AOPEP: variants seen among roughly 807,000 people sequenced by gnomAD.
AOPEP encodes aminopeptidase O.
Under a neutral mutation model 98.1 loss-of-function variants are expected in AOPEP, and 77 were observed. The observed-to-expected ratio is 0.78, with a 90% confidence interval of 0.65 to 0.95. AOPEP has a LOEUF of 0.95. Among genes scored for constraint, AOPEP ranks in the 40% least tolerant of loss-of-function variants. The pLI, the probability that AOPEP is intolerant of heterozygous loss-of-function variation, is 0.00. For missense variants in AOPEP, 1,024 were observed against 1,024.7 expected (o/e 1.00, Z 0.01); for synonymous variants, 346 against 365.3 (o/e 0.95, Z 0.60).
intron 14 of AOPEP, among the ~76,000 whole-genome samples, chr9:95,067,737 A>G (rs1187104165): frequency 6.6e-6 from 1 of 152,156 alleles, no homozygotes; most frequent in Admixed American, 6.5e-5. Flanking sequence ...AAAGTATACA[A>G]TTCAGTAGTT....
chr9:94,950,268 G>A (rs2058008524), intron 7 of AOPEP, among the ~76,000 whole-genome samples: 1 of 152,140 alleles, frequency 6.6e-6, no homozygotes, highest in Non-Finnish European at 1.5e-5. Flanking sequence ...GAACATAGTC[G>A]GAACACAGAA....
intron 5 of AOPEP, among the ~76,000 whole-genome samples, chr9:94,853,967 G>A (rs751527816): frequency 1.3e-5 from 2 of 152,142 alleles, no homozygotes; most frequent in African/African-American, 2.4e-5. Flanking sequence ...TAGCACATGC[G>A]CAGCACTTAT....
chr9:94,800,942 CG>C lies in AOPEP; in HGVS notation c.1305del (p.Phe436SerfsTer31). The C allele has an allele frequency of 6.2e-7, 1 of 1,614,182 alleles. No homozygotes were observed. Among genetic ancestry groups the C allele is most frequent in the Non-Finnish European group, 8.5e-7 (1 of 1,180,022 alleles). On this transcript the variant is annotated frameshift_variant, in exon 5 of 17. Coordinates refer to ENST00000375315, the MANE Select transcript of AOPEP (RefSeq NM_001193329.3). LOFTEE classifies it high-confidence loss of function. ...GCACATTCTGTTCTGGGAGCACACCCGTTCTCTCGGCTGGATGTTCTCATCG... is the reference window on the plus strand; with the variant it reads ...GCACATTCTGTTCTGGGAGCACACCCTTCTCTCGGCTGGATGTTCTCATCG... ...SAAHSVLGAH[P>X]FSRLDVLIVP...
At chr9:94,788,305 T>C (rs1472209026) in intron 3 of AOPEP, among the ~76,000 whole-genome samples, 4 of 152,098 alleles carry the variant, frequency 2.6e-5, no homozygotes, top group Non-Finnish European at 2.9e-5. Flanking sequence ...TCTTGAACTA[T>C]TGGTCTCATG....
At chr9:94,788,731 T>G (rs1844995885) in intron 3 of AOPEP, among the ~76,000 whole-genome samples, 1 of 152,244 alleles carries the variant, frequency 6.6e-6, no homozygotes, top group Admixed American at 6.5e-5. Flanking sequence ...CTGTCAGCCT[T>G]CTGGAACCAA....
chr9:95,066,132 AT>A (rs2067859737), intron 14 of AOPEP, among the ~76,000 whole-genome samples: 1 of 151,964 alleles, frequency 6.6e-6, no homozygotes, highest in Non-Finnish European at 1.5e-5. Context: ...TTATTTGTGC[AT>A]TTTTTCTTTG....
At chr9:95,064,396 G>T (rs1035677325) in intron 14 of AOPEP, among the ~76,000 whole-genome samples, 1 of 152,198 alleles carries the variant, frequency 6.6e-6, no homozygotes, top group Non-Finnish European at 1.5e-5. Context: ...CCAGGTTCAA[G>T]CAGTTCTGCC....
rs146045298 is a variant in AOPEP at position 95,064,439 on chromosome 9, C to T, written c.2232+3629C>T. ...CCCGAGTAGCTGGATTACAGGTGCC[C>T]ACCACCACGCCCAGCCAATTTTTTG... On this transcript the variant is annotated intron_variant, in intron 14 of 16. Coordinates refer to ENST00000375315, the MANE Select transcript of AOPEP (RefSeq NM_001193329.3). Among the ~76,000 whole-genome samples the T allele has an allele frequency of 5.4e-3, 826 of 152,272 alleles. 9 individuals are homozygous for T. The highest frequency in any genetic ancestry group is 0.019 in the African/African-American group (800 of 41,560).
intron 13 of AOPEP, among the ~76,000 whole-genome samples, chr9:95,026,909 G>A (rs369296599): frequency 6.6e-6 from 1 of 152,310 alleles, no homozygotes; most frequent in South Asian, 2.1e-4. Flanking sequence ...AGGTACAGAA[G>A]AAAGCTAGGA....
Position 94,979,396 on chromosome 9 carries a change from A to T in AOPEP, c.1946A>T (p.Gln649Leu). Residue 649 changes from glutamine to leucine, a missense_variant, in exon 11 of 17, where the codon CAA (glutamine) becomes CTA (leucine). Physicochemically the swap from Gln to Leu is moderately radical, Grantham distance 113 (BLOSUM62 -2). Coordinates refer to ENST00000375315, the MANE Select transcript of AOPEP (RefSeq NM_001193329.3). ...RLELSVENIY[Q>L]DWLESSGIPK... The stretch of plus-strand genomic sequence containing the variant: ...GAGCTGTCTGTTGAAAACATCTACC[A>T]AGACTGGCTTGAGAGTTCCGGAATA... 6.2e-7 allele frequency: 1 copy of T among 1,603,426 alleles called. No individual in the cohort carries two copies. The highest frequency in any genetic ancestry group is 8.5e-7 in the Non-Finnish European group (1 of 1,172,944).
intron 13 of AOPEP, among the ~76,000 whole-genome samples, chr9:95,051,676 A>G (rs2066377625): frequency 6.6e-6 from 1 of 152,090 alleles, no homozygotes; most frequent in Non-Finnish European, 1.5e-5. Context: ...ATAATTAACC[A>G]GATCTGTACT....
At position 95,005,522 on chromosome 9, in the gene AOPEP, C is replaced by G. The variant is rs1006119211; in HGVS notation, c.2041-20C>G. ...GGACCCTGTCGCCTTCTTTGAAATG[C>G]TGTGGTTTTTGAACCTCAGGTCACG... On this transcript the variant is annotated intron_variant, in intron 12 of 16. Coordinates refer to ENST00000375315, the MANE Select transcript of AOPEP (RefSeq NM_001193329.3). 3.1e-6 allele frequency: 5 copies of G among 1,610,850 alleles called. No homozygotes were observed. Among genetic ancestry groups the G allele is most frequent in the Non-Finnish European group, 4.2e-6 (5 of 1,177,226 alleles).
intron 9 of AOPEP, 23 bp downstream of exon 9, chr9:94,956,038 T>TTA: frequency 7.2e-7 from 1 of 1,392,182 alleles, no homozygotes; most frequent in Non-Finnish European, 1.0e-6. Context: ...TCCTCATGAG[T>TTA]CCATGATGTA....
intron 13 of AOPEP, among the ~76,000 whole-genome samples, chr9:95,059,156 T>G (rs1428837879): frequency 1.3e-5 from 2 of 152,242 alleles, no homozygotes; most frequent in Non-Finnish European, 2.9e-5. Context: ...TAAAACATGC[T>G]GCAATTACTT....
chr9:95,094,254 G>C, the AOPEP span, among the ~76,000 whole-genome samples: 1 of 152,172 alleles, frequency 6.6e-6, no homozygotes, highest in Non-Finnish European at 1.5e-5. Flanking sequence ...AGTGGAGGGA[G>C]TGGGGTCAGG....
chr9:94,764,160 G>A (rs1470590398), intron 2 of AOPEP, among the ~76,000 whole-genome samples: 1 of 152,200 alleles, frequency 6.6e-6, no homozygotes, highest in East Asian at 1.9e-4. Flanking sequence ...TGATGAAAAT[G>A]GCATCTTTGT....
chr9:94,928,506 TC>T lies in AOPEP; in HGVS notation c.1641del (p.Glu548ArgfsTer6). The T allele has an allele frequency of 6.4e-7, 1 of 1,550,562 alleles. No individual in the cohort carries two copies. Reference protein sequence around the residue: ...WRRLQDEMQCSPEEMQVLRPS... With the variant: ...WRRLQDEMQCXPEEMQVLRPS... ...TCGCCTCCAGGACGAGATGCAATGC[TC>T]CCCCGAGGAGATGCAGGTGTTAAGG... On this transcript the variant is annotated frameshift_variant, in exon 7 of 17. Transcript: ENST00000375315. LOFTEE classifies it high-confidence loss of function.
At chr9:95,021,561 C>T (rs2063458380) in intron 13 of AOPEP, 6 of 152,236 alleles carry the variant, frequency 3.9e-5, no homozygotes, top group Admixed American at 3.9e-4. Flanking sequence ...TATCTTCCAG[C>T]AGAGGATTAG....
At chr9:95,016,967 A>G (rs1203977557) in intron 13 of AOPEP, among the ~76,000 whole-genome samples, 3 of 150,662 alleles carry the variant, frequency 2.0e-5, no homozygotes, top group South Asian at 4.2e-4. Context: ...TACAAGTCAC[A>G]TAGCTCATGC....
Sources: gnomAD v4.1 joint callset for allele counts (sites outside exome capture counted in the v4.1 genomes callset) on GRCh38, gnomAD v4.1.1 for gene constraint, MANE v1.5 for transcripts, NCBI Gene and HGNC (gene_info 2026-07-23, HGNC 2026-07-21) for gene names.